The following NOMO3 variants were observed in gnomAD, a reference collection of about 807,000 sequenced individuals.
The protein encoded by NOMO3 is NODAL modulator 3.
A neutral mutation model predicts 69.9 loss-of-function variants in NOMO3; 15 were observed. The ratio of observed to expected loss-of-function variants is 0.21; its 90% CI spans 0.14 to 0.33. The LOEUF is 0.33. Among genes scored for constraint, NOMO3 ranks in the 10% least tolerant of loss-of-function variants. The pLI is 1.00. For missense variants in NOMO3, 218 were observed against 761.0 expected, an observed-to-expected ratio of 0.29 and a Z score of 8.39; for synonymous variants, 89 against 301.9, an observed-to-expected ratio of 0.29 and a Z score of 7.31.
chr16:16,263,330 C>T lies in NOMO3; in HGVS notation c.1537+115C>T, dbSNP rs1375181597. On this transcript the variant is annotated intron_variant, in intron 13 of 30. Coordinates refer to ENST00000399336, the MANE Select transcript of NOMO3 (RefSeq NM_001004067.4). ...TTGTTTGCTACTGATCACCTGCGTG[C>T]GAGGGAGGCTTCTTGGAGTCAGGTG... 6.7e-5 allele frequency: 106 copies of T among 1,583,022 alleles called. 10 individuals are homozygous for T. In the Middle Eastern group the frequency reaches 1.7e-3, roughly 25 times the overall value.
intron 15 of NOMO3, among the ~76,000 whole-genome samples, chr16:16,265,670 A>ATATGTTT: frequency 6.0e-5 from 1 of 16,680 alleles, no homozygotes; most frequent in South Asian, 3.0e-3. Flanking sequence ...ATATATATAT[A>ATATGTTT]TTTTTTTTTT....
chr16:16,240,794 C>T (rs2049368558), intron 3 of NOMO3, among the ~76,000 whole-genome samples: 1 of 142,646 alleles, frequency 7.0e-6, no homozygotes, highest in Non-Finnish European at 1.5e-5. Context: ...TTAGCACCTG[C>T]CATCACCAAG....
chr16:16,269,123 C>T (rs2049642423), intron 16 of NOMO3, among the ~76,000 whole-genome samples: 1 of 144,140 alleles, frequency 6.9e-6, no homozygotes, highest in Non-Finnish European at 1.5e-5. Context: ...CTAGCTGGGG[C>T]CTTCTTACCC....
rs559655733 is a variant in NOMO3, at chr16:16,259,385, G to A, written c.1221-2117G>A. 7.0e-5 allele frequency among the ~76,000 whole-genome samples: 10 copies of A among 142,178 alleles called. 1 individual carries two copies. The East Asian group carries it at 2.0e-3, about 29-fold the overall frequency. 93.3% of individuals were successfully genotyped at this position (142,178 alleles called of 152,430 possible). ...TTTTGTTGAGCCAGGGTCTTACTCC[G>A]TTGCCCAGGCTGGAGTACGGTGGCG... On this transcript the variant is annotated intron_variant, in intron 11 of 30. Coordinates refer to ENST00000399336, the MANE Select transcript of NOMO3 (RefSeq NM_001004067.4).
rs539081532 is a variant in NOMO3 at position 16,238,234 on chromosome 16, C to CT, written c.255+1260dup. 6.7e-3 allele frequency among the ~76,000 whole-genome samples: 824 copies of CT among 122,452 alleles called. 22 individuals are homozygous for CT. The highest frequency in any genetic ancestry group is 9.2e-3 in the Non-Finnish European group (566 of 61,266). The allele number at this position is 122,452 out of a possible 152,430, so 80.3% of individuals were successfully genotyped here. The stretch of plus-strand genomic sequence containing the variant: ...ACATTAGCATAGATAGATCTACTGA[C>CT]TTTTTTTTTTTTTTTTGAGACAGAG... On this transcript the variant is annotated intron_variant, in intron 2 of 30. Transcript: ENST00000399336.
In NOMO3 at chr16:16,269,277, C is replaced by G. The variant is rs576041138; in HGVS notation, c.1895-844C>G. On this transcript the variant is annotated intron_variant, in intron 16 of 30. Transcript: ENST00000399336. ...TGTTTGTGGCTGTCAAATGCTCCCC[C>G]TCTCTGTGGATGGTAAACTCCATGA... Among the ~76,000 whole-genome samples the G allele has an allele frequency of 8.9e-3, 1,264 of 141,646 alleles. 255 individuals are homozygous for G. Among genetic ancestry groups the G allele is most frequent in the African/African-American group, 0.036 (1,219 of 33,776 alleles). 92.9% of individuals were successfully genotyped at this position (141,646 alleles called of 152,430 possible).
chr16:16,254,861 C>T (rs1407404353), intron 9 of NOMO3, among the ~76,000 whole-genome samples: 1 of 144,604 alleles, frequency 6.9e-6, no homozygotes, highest in Non-Finnish European at 1.5e-5. Flanking sequence ...CAGACACAGA[C>T]ACATGGAGCA....
chr16:16,237,210 G>C lies in NOMO3; in HGVS notation c.255+220G>C, dbSNP rs1306135141. Among the ~76,000 whole-genome samples, 4 of 144,784 alleles carry C rather than the reference G, an allele frequency of 2.8e-5. No individual in the cohort carries two copies. The South Asian group carries it at 8.7e-4, about 31-fold the overall frequency. The allele number at this position is 144,784 out of a possible 152,430, so 95.0% of individuals were successfully genotyped here. A position where few individuals can be genotyped will look rare whatever the true frequency, so the allele number is the denominator to read the frequency against. On this transcript the variant is annotated intron_variant, in intron 2 of 30. Transcript: ENST00000399336. ...GTTTAGGACCATTTGGCAATGTCTA[G>C]AGACGTTTTTGTTGTGACATCTGTG...
At chr16:16,245,280 T>G (rs1281623027) in intron 5 of NOMO3, 106 bp downstream of exon 5, 1 of 1,518,432 alleles carries the variant, frequency 6.6e-7, no homozygotes, top group African/African-American at 1.6e-5. Context: ...GTTCAGATCC[T>G]GATTCAGCCT....
intron 9 of NOMO3, among the ~76,000 whole-genome samples, chr16:16,254,394 T>A (rs533696003): frequency 7.0e-6 from 1 of 142,704 alleles, no homozygotes; most frequent in South Asian, 2.2e-4. Context: ...AAGTAGGTAA[T>A]GCATGGAATG....
chr16:16,242,201 TTGTGTG>T lies in NOMO3; in HGVS notation c.302-937_302-932del, dbSNP rs71276168. On this transcript the variant is annotated intron_variant, in intron 3 of 30. Coordinates refer to ENST00000399336, the MANE Select transcript of NOMO3 (RefSeq NM_001004067.4). ...TTTTGCCCATTTTTTATTGGAGTCT[TTGTGTG>T]TGTGTGTGTGTGTGTGTGTGTGCAT... is the stretch of plus-strand genomic sequence containing the variant. Among the ~76,000 whole-genome samples, 32 of 99,396 alleles carry T rather than the reference TTGTGTG, an allele frequency of 3.2e-4. 1 individual carries two copies. Among genetic ancestry groups the T allele is most frequent in the African/African-American group, 6.1e-4 (12 of 19,724 alleles). 65.2% of individuals were successfully genotyped at this position (99,396 alleles called of 152,430 possible).
intron 15 of NOMO3, 118 bp downstream of exon 15, chr16:16,265,297 C>A (rs369446481): frequency 3.2e-6 from 5 of 1,572,302 alleles, no homozygotes; most frequent in East Asian, 5.2e-5. Flanking sequence ...TTTTCTGCCT[C>A]TGCACTCACC....
intron 12 of NOMO3, 134 bp from the exon 13 acceptor site, chr16:16,262,940 A>G (rs2141258705): frequency 6.8e-7 from 1 of 1,460,158 alleles, no homozygotes; most frequent in Non-Finnish European, 9.1e-7. Context: ...TGATTGTAAA[A>G]TCAGCCTGGA....
chr16:16,274,265 GGATGGA>G, intron 20 of NOMO3, among the ~76,000 whole-genome samples, 190 bp downstream of exon 20: 1 of 124,624 alleles, frequency 8.0e-6, no homozygotes, highest in South Asian at 2.9e-4. Flanking sequence ...TGGGTTGGAT[GGATGGA>G]TGGATGGATG....
At position 16,243,726 on chromosome 16, in the gene NOMO3, T is replaced by C. The variant is rs2141248940; in HGVS notation, c.402+465T>C. On this transcript the variant is annotated intron_variant, in intron 4 of 30. Coordinates refer to ENST00000399336, the MANE Select transcript of NOMO3 (RefSeq NM_001004067.4). ...TTTCAGTAGAGATGGGCTTTTGCTG[T>C]GTTGGCCAGGCTGGTCTCAAACTCC... 1.4e-5 allele frequency among the ~76,000 whole-genome samples: 2 copies of C among 139,832 alleles called. 1 individual carries two copies. Among genetic ancestry groups the C allele is most frequent in the East Asian group, 4.8e-4 (2 of 4,166 alleles). 91.7% of individuals were successfully genotyped at this position (139,832 alleles called of 152,430 possible).
chr16:16,232,666 C>T lies in NOMO3; in HGVS notation c.-1C>T, dbSNP rs1596794412. ...TGGGTCTAGCTGGGGGAGGTCGGGC[C>T]ATGCTGGTGGGCCAGGGCGCGGGGC... On this transcript the variant is annotated 5_prime_UTR_variant, in exon 1 of 31. Coordinates refer to ENST00000399336, the MANE Select transcript of NOMO3 (RefSeq NM_001004067.4). 1.3e-6 allele frequency: 1 copy of T among 754,560 alleles called. No individual in the cohort carries two copies. Among genetic ancestry groups the T allele is most frequent in the African/African-American group, 2.0e-5 (1 of 49,696 alleles). 46.7% of individuals were successfully genotyped at this position (754,560 alleles called of 1,614,324 possible).
chr16:16,255,722 C>T lies in NOMO3; in HGVS notation c.966C>T (p.Pro322=), dbSNP rs548618380. 1.1e-5 allele frequency: 17 copies of T among 1,591,858 alleles called. 2 individuals are homozygous for T. The highest frequency in any genetic ancestry group is 7.4e-5 in the East Asian group (3 of 40,486). The change falls in exon 10 of 31, where the codon CCC becomes CCT. Residue 322 remains proline, a splice_region_variant and synonymous_variant. Transcript: ENST00000399336. ...TVEHDSLKIE[P]VFHVMGFSVT... is the part of the protein sequence containing the mutation. Reference sequence around the variant, plus strand: ...CCTTCTTGTTCTTTGTTTTCTAGCCCGTGTTCCACGTCATGGGATTCTCCG... The same window carrying T: ...CCTTCTTGTTCTTTGTTTTCTAGCCTGTGTTCCACGTCATGGGATTCTCCG...
chr16:16,235,996 C>T lies in NOMO3; in HGVS notation c.166-905C>T, dbSNP rs561442557. The stretch of plus-strand genomic sequence containing the variant: ...ATTTGGGCATCTTACTGGGTTAACA[C>T]TTCGTGTCTGGTAATGCTCAGAATG... On this transcript the variant is annotated intron_variant, in intron 1 of 30. Transcript: ENST00000399336. 4.1e-4 allele frequency: 125 copies of T among 306,550 alleles called. 4 individuals carry two copies. Among genetic ancestry groups the T allele is most frequent in the South Asian group, 3.1e-3 (116 of 37,850 alleles). 19.0% of individuals were successfully genotyped at this position (306,550 alleles called of 1,614,324 possible).
chr16:16,237,059 T>G, intron 2 of NOMO3, 69 bp downstream of exon 2: 1 of 1,586,948 alleles, frequency 6.3e-7, no homozygotes, highest in South Asian at 1.1e-5. Context: ...GCATTAACCA[T>G]GTCCTTTCCT....
Sources: gnomAD v4.1 joint callset for allele counts (sites outside exome capture counted in the v4.1 genomes callset) on GRCh38, gnomAD v4.1.1 for gene constraint, MANE v1.5 for transcripts, NCBI Gene and HGNC (gene_info 2026-07-23, HGNC 2026-07-21) for gene names.